The following UTRN variants were observed in gnomAD, a reference collection of about 807,000 sequenced individuals.
The protein encoded by UTRN is dystrophin-related protein 1.
Under a neutral mutation model 463.9 loss-of-function variants are expected in UTRN, and 283 were observed. That is an observed-to-expected ratio of 0.61 (90% confidence interval 0.55 to 0.67). The LOEUF (loss-of-function observed/expected upper bound fraction) is 0.67. Among genes scored for constraint, UTRN ranks in the 30% least tolerant of loss-of-function variants. The probability of loss-of-function intolerance (pLI) is 0.00; values close to 1 mark genes in which losing one functional copy is unlikely to be tolerated. For missense variants in UTRN, 3,922 were observed against 4,084.3 expected, an observed-to-expected ratio of 0.96 and a Z score of 1.08; for synonymous variants, 1,442 against 1,431.5, an observed-to-expected ratio of 1.01 and a Z score of -0.17.
chr6:144,580,595 A>G (rs1004771054), intron 51 of UTRN, among the ~76,000 whole-genome samples: 1 of 152,170 alleles, frequency 6.6e-6, no homozygotes, highest in African/African-American at 2.4e-5. Context: ...CAAGGCTGTT[A>G]GGATTTATTC....
At chr6:144,704,336 CAT>C in intron 53 of UTRN, among the ~76,000 whole-genome samples, 1 of 152,210 alleles carries the variant, frequency 6.6e-6, no homozygotes, top group South Asian at 2.1e-4. Context: ...TGAATATTAA[CAT>C]ATTATTCTCA....
At chr6:144,447,500 T>C in intron 15 of UTRN, 102 bp from the exon 16 acceptor site, 1 of 1,417,224 alleles carries the variant, frequency 7.1e-7, no homozygotes, top group Non-Finnish European at 9.7e-7. Context: ...GCAAAGCATG[T>C]ACATTTTACT....
intron 2 of UTRN, among the ~76,000 whole-genome samples, chr6:144,352,248 C>T (rs116799832): frequency 2.2e-4 from 34 of 152,152 alleles, no homozygotes; most frequent in African/African-American, 7.7e-4. Flanking sequence ...CTCTGAGTAA[C>T]GAGTGTTATA....
chr6:144,421,334 C>A (rs2114846162), intron 3 of UTRN, among the ~76,000 whole-genome samples: 1 of 152,060 alleles, frequency 6.6e-6, no homozygotes, highest in East Asian at 1.9e-4. Flanking sequence ...CAATTTATTT[C>A]AGCTTAAAAT....
chr6:144,637,352 A>G (rs989418827), intron 51 of UTRN, among the ~76,000 whole-genome samples: 1 of 152,060 alleles, frequency 6.6e-6, no homozygotes, highest in Admixed American at 6.5e-5. Context: ...GCCCTGTACT[A>G]TCTTCTTTAT....
chr6:144,332,739 A>C (rs749978427), intron 2 of UTRN, among the ~76,000 whole-genome samples: 5 of 152,102 alleles, frequency 3.3e-5, no homozygotes, highest in Non-Finnish European at 5.9e-5. Flanking sequence ...TATTTATGAC[A>C]CTATTTTTTA....
At chr6:144,739,704 T>C (rs1376612684) in intron 54 of UTRN, among the ~76,000 whole-genome samples, 12 of 152,180 alleles carry the variant, frequency 7.9e-5, no homozygotes, top group Admixed American at 7.9e-4. Flanking sequence ...CTTCTCTGCT[T>C]CTCTGTACAG....
rs192267285 is a variant in UTRN at position 144,455,525 on chromosome 6, A to T, written c.2284+1656A>T. 2.0e-5 allele frequency among the ~76,000 whole-genome samples: 3 copies of T among 152,256 alleles called. No homozygotes were observed. The East Asian group carries it at 5.8e-4, about 29-fold the overall frequency. The stretch of plus-strand genomic sequence containing the variant: ...CTTTATCTGATGTGAATATGGGATA[A>T]TTTCTTGAATCTGTGTACTGAATTT... On this transcript the variant is annotated intron_variant, in intron 19 of 74. Coordinates refer to ENST00000367545, the MANE Select transcript of UTRN (RefSeq NM_007124.3).
intron 65 of UTRN, among the ~76,000 whole-genome samples, chr6:144,818,248 A>C (rs960387299): frequency 6.6e-6 from 1 of 152,254 alleles, no homozygotes; most frequent in African/African-American, 2.4e-5. Flanking sequence ...AAATAGATTA[A>C]TGCTTGCCAT....
intron 35 of UTRN, among the ~76,000 whole-genome samples, chr6:144,511,851 C>T (rs147647167): frequency 2.6e-5 from 4 of 152,238 alleles, no homozygotes; most frequent in Admixed American, 2.6e-4. Context: ...ATGGCCACCC[C>T]ACCCTCCCCT....
intron 2 of UTRN, among the ~76,000 whole-genome samples, chr6:144,373,753 G>A (rs913185302): frequency 1.3e-5 from 2 of 152,184 alleles, no homozygotes; most frequent in African/African-American, 4.8e-5. Flanking sequence ...CACTCTATGT[G>A]TTAGTTATTT....
At chr6:144,592,356 G>C (rs1365607740) in intron 51 of UTRN, among the ~76,000 whole-genome samples, 1 of 151,936 alleles carries the variant, frequency 6.6e-6, no homozygotes, top group Non-Finnish European at 1.5e-5. Context: ...ACAATGAAAA[G>C]CTTTTTAAAT....
chr6:144,326,641 C>T (rs1775990237), intron 2 of UTRN, among the ~76,000 whole-genome samples: 1 of 152,126 alleles, frequency 6.6e-6, no homozygotes, highest in Admixed American at 6.5e-5. Flanking sequence ...AGGAGCGAGC[C>T]GACTTTCAAG....
At chr6:144,591,856 C>A (rs1193491964) in intron 51 of UTRN, among the ~76,000 whole-genome samples, 1 of 151,874 alleles carries the variant, frequency 6.6e-6, no homozygotes, top group Non-Finnish European at 1.5e-5. Flanking sequence ...TTTCCTTTTT[C>A]TTCAGGGTAA....
intron 2 of UTRN, among the ~76,000 whole-genome samples, chr6:144,302,696 T>A (rs2114536486): frequency 6.6e-6 from 1 of 152,182 alleles, no homozygotes; most frequent in East Asian, 1.9e-4. Flanking sequence ...TCAATAAACA[T>A]CCCCACACAA....
In UTRN at chr6:144,286,203, G is replaced by T. The variant is rs541994593; in HGVS notation, c.-93+382G>T. On this transcript the variant is annotated intron_variant, in intron 1 of 74. Transcript: ENST00000367545. The surrounding 1 kb of genome is among the most constrained non-coding windows in gnomAD (Gnocchi z 4.4). ...CTCCGTGCATCGCGCGGTGCAGGGC[G>T]CTGGGCCAGTGATTTGCAAGAGGGG... Among the ~76,000 whole-genome samples, 2 of 152,242 alleles carry T rather than the reference G, an allele frequency of 1.3e-5. No individual in the cohort carries two copies.
At chr6:144,498,942 G>C (rs1056476037) in intron 33 of UTRN, among the ~76,000 whole-genome samples, 1 of 152,066 alleles carries the variant, frequency 6.6e-6, no homozygotes, top group African/African-American at 2.4e-5. Context: ...CAAAGTGCTG[G>C]GATTATAGAC....
chr6:144,547,241 T>G (rs1798497849), intron 46 of UTRN, among the ~76,000 whole-genome samples: 1 of 152,214 alleles, frequency 6.6e-6, no homozygotes, highest in Non-Finnish European at 1.5e-5. Context: ...CTTTAGATGA[T>G]TTTTTAAGTT....
At chr6:144,838,333 C>CT (rs1275367559) in intron 71 of UTRN, among the ~76,000 whole-genome samples, 1 of 152,156 alleles carries the variant, frequency 6.6e-6, no homozygotes, top group Admixed American at 6.5e-5. Flanking sequence ...GCTCTTATCT[C>CT]TTCTAAACAA....
Sources: gnomAD v4.1 joint callset for allele counts (sites outside exome capture counted in the v4.1 genomes callset) on GRCh38, gnomAD v4.1.1 for gene constraint, Gnocchi (gnomAD v3.1) non-coding constraint, MANE v1.5 for transcripts, NCBI Gene and HGNC (gene_info 2026-07-23, HGNC 2026-07-21) for gene names.